Variants in MAN1B1 observed in about 807,000 individuals in gnomAD.
MAN1B1 encodes the protein endoplasmic reticulum mannosyl-oligosaccharide 1,2-alpha-mannosidase.
MAN1B1 carries 66 observed loss-of-function variants against 75.5 expected under a neutral mutation model. The ratio of observed to expected loss-of-function variants is 0.87; its 90% CI spans 0.72 to 1.07. The LOEUF is 1.07. Among genes scored for constraint, MAN1B1 ranks in the 50% least tolerant of loss-of-function variants. The pLI is 0.00. For synonymous variants in MAN1B1, 453 were observed against 382.8 expected (o/e 1.18, Z -2.14); for missense variants, 973 against 912.5 (o/e 1.07, Z -0.85).
rs1402435634 is a variant in MAN1B1 at position 137,101,470 on chromosome 9, T to C, written c.1066-14T>C. 2 of 1,613,410 alleles carry C rather than the reference T, an allele frequency of 1.2e-6. No individual in the cohort carries two copies. Among genetic ancestry groups the C allele is most frequent in the East Asian group, 2.2e-5 (1 of 44,892 alleles). On this transcript the variant is annotated splice_polypyrimidine_tract_variant and intron_variant, in intron 7 of 12. Coordinates refer to ENST00000371589, the MANE Select transcript of MAN1B1 (RefSeq NM_016219.5). The stretch of plus-strand genomic sequence containing the variant: ...TGACCTGAACGTTGGTTCTCTACTC[T>C]GCTCATATACCAGGAGGATTTTGGA...
At position 137,101,266 on chromosome 9, in the gene MAN1B1, T is replaced by A. The variant is rs1830802689; in HGVS notation, c.1065+113T>A. 5.7e-6 allele frequency: 8 copies of A among 1,395,130 alleles called. No individual in the cohort carries two copies. The South Asian group carries it at 9.4e-5, about 16-fold the overall frequency. 86.4% of individuals were successfully genotyped at this position (1,395,130 alleles called of 1,614,324 possible). A position where few individuals can be genotyped will look rare whatever the true frequency, so the allele number is the denominator to read the frequency against. On this transcript the variant is annotated intron_variant, in intron 7 of 12. Transcript: ENST00000371589. ...CTTCCTGTTTCCTCTTCAAATGCAC[T>A]GGAGTCTGTTTCTGAGCTCATATTC...
At chr9:137,093,696 T>C (rs1830575794) in intron 3 of MAN1B1, among the ~76,000 whole-genome samples, 1 of 151,768 alleles carries the variant, frequency 6.6e-6, no homozygotes, top group South Asian at 2.1e-4. Flanking sequence ...TAGCCGGGCG[T>C]GGTGGCAGGC....
In MAN1B1 at chr9:137,099,689, C is replaced by G. The variant is rs1830753273; in HGVS notation, c.731-7C>G. 1 of 1,614,118 alleles carries G rather than the reference C, an allele frequency of 6.2e-7. No homozygotes were observed. Among genetic ancestry groups the G allele is most frequent in the Non-Finnish European group, 8.5e-7 (1 of 1,180,010 alleles). On this transcript the variant is annotated splice_polypyrimidine_tract_variant and splice_region_variant and intron_variant, in intron 5 of 12. Transcript: ENST00000371589. ...CGCCATGGCCTGTGCTCTCTCCCCCCTACTAGTGCATCTGAACTATCGCCA... is the reference window on the plus strand; with the variant it reads ...CGCCATGGCCTGTGCTCTCTCCCCCGTACTAGTGCATCTGAACTATCGCCA...
intron 8 of MAN1B1, chr9:137,102,589 GTTACA>G (rs1251062803): frequency 2.4e-6 from 1 of 415,748 alleles, no homozygotes; most frequent in African/African-American, 2.4e-5. Context: ...GGTCGGTGCT[GTTACA>G]TTCACGCTGT....
chr9:137,108,373 C>G lies in MAN1B1; in HGVS notation c.1897-15C>G, dbSNP rs1346735845. On this transcript the variant is annotated splice_polypyrimidine_tract_variant and intron_variant, in intron 12 of 12. Coordinates refer to ENST00000371589, the MANE Select transcript of MAN1B1 (RefSeq NM_016219.5). ...GTGCCCCCCGTGTGGTGACGAGGCC[C>G]TGGCTGCTGCACAGGTCCCCTCGGG... The G allele has an allele frequency of 6.2e-7, 1 of 1,612,614 alleles. No homozygotes were observed. The highest frequency in any genetic ancestry group is 8.5e-7 in the Non-Finnish European group (1 of 1,179,192).
rs568564384 is a variant in MAN1B1, at chr9:137,102,666, T to G, written c.1254+994T>G. The G allele has an allele frequency of 2.9e-5, 13 of 441,416 alleles. 1 individual carries two copies. The highest frequency in any genetic ancestry group is 6.7e-4 in the Middle Eastern group (2 of 2,966). 27.3% of individuals were successfully genotyped at this position (441,416 alleles called of 1,614,324 possible). On this transcript the variant is annotated intron_variant, in intron 8 of 12. Transcript: ENST00000371589. ...GTTGCTGGCGTGCAGGTCGGTGGTG[T>G]TACACACATTCACACTGTTGCAGAC...
intron 3 of MAN1B1, among the ~76,000 whole-genome samples, chr9:137,090,485 T>C (rs984191123): frequency 3.3e-5 from 5 of 151,692 alleles, no homozygotes; most frequent in African/African-American, 7.3e-5. Flanking sequence ...AAGAGGGGCA[T>C]TGGGGCATTG....
intron 3 of MAN1B1, 61 bp from the exon 4 acceptor site, chr9:137,096,176 A>G: frequency 1.9e-6 from 3 of 1,580,612 alleles, no homozygotes; most frequent in Non-Finnish European, 2.6e-6. Context: ...CGTCCCATAG[A>G]GGGAAAGAAG....
chr9:137,100,852 T>C (rs1319997014), intron 6 of MAN1B1, among the ~76,000 whole-genome samples, 153 bp from the exon 7 acceptor site: 3 of 152,216 alleles, frequency 2.0e-5, no homozygotes, highest in African/African-American at 7.2e-5. Flanking sequence ...ACTCCTGGGC[T>C]CAAGCAATCC....
chr9:137,103,414 A>G, intron 8 of MAN1B1: 1 of 432,384 alleles, frequency 2.3e-6, no homozygotes, highest in Non-Finnish European at 4.6e-6. Context: ...CGGTGGTGTT[A>G]CATTCACGCT....
chr9:137,100,853 C>G (rs1230428176), intron 6 of MAN1B1, 152 bp from the exon 7 acceptor site: 2 of 821,436 alleles, frequency 2.4e-6, no homozygotes, highest in Non-Finnish European at 4.0e-6. Flanking sequence ...CTCCTGGGCT[C>G]AAGCAATCCA....
intron 8 of MAN1B1, chr9:137,102,103 G>T: frequency 4.5e-6 from 2 of 447,552 alleles, no homozygotes; most frequent in Non-Finnish European, 8.9e-6. Context: ...TTGCAGGCGT[G>T]CAGGTCGGTG....
intron 2 of MAN1B1, chr9:137,088,638 A>G (rs1830443297): frequency 8.6e-6 from 6 of 693,938 alleles, no homozygotes; most frequent in Non-Finnish European, 1.4e-5. Flanking sequence ...TGAATGGAAA[A>G]TAGGAAGGCA....
rs891875858 is a variant in MAN1B1 at position 137,101,376 on chromosome 9, G to A, written c.1066-108G>A. On this transcript the variant is annotated intron_variant, in intron 7 of 12. Coordinates refer to ENST00000371589, the MANE Select transcript of MAN1B1 (RefSeq NM_016219.5). Reference sequence around the variant, plus strand: ...GAGTGATGCCCGTTTCCTTGCTGCTGTGTTGACCCCAGAGAGCCTTCAGTG... The same window carrying A: ...GAGTGATGCCCGTTTCCTTGCTGCTATGTTGACCCCAGAGAGCCTTCAGTG... 12 of 1,191,722 alleles carry A rather than the reference G, an allele frequency of 1.0e-5. No homozygotes were observed. The Admixed American group carries it at 1.2e-4, about 12-fold the overall frequency. 73.8% of individuals were successfully genotyped at this position (1,191,722 alleles called of 1,614,324 possible).
At chr9:137,097,990 G>A (rs1830701972) in intron 5 of MAN1B1, 53 bp downstream of exon 5, 2 of 1,377,412 alleles carry the variant, frequency 1.5e-6, no homozygotes. Flanking sequence ...GCTGGTGGCT[G>A]ATGGGTGCAG....
At chr9:137,102,429 T>G (rs1358218862) in intron 8 of MAN1B1, 2 of 429,728 alleles carry the variant, frequency 4.7e-6, no homozygotes, top group Non-Finnish European at 9.1e-6. Context: ...GTTGGTGGTG[T>G]TACATTCACA....
rs1416660738 is a variant in MAN1B1 at position 137,108,754 on chromosome 9, G to A, written c.*163G>A. The A allele has an allele frequency of 2.7e-6, 2 of 732,094 alleles. No individual in the cohort carries two copies. Among genetic ancestry groups the A allele is most frequent in the Non-Finnish European group, 4.9e-6 (2 of 409,868 alleles). 45.3% of individuals were successfully genotyped at this position (732,094 alleles called of 1,614,324 possible). On this transcript the variant is annotated 3_prime_UTR_variant, in exon 13 of 13. Transcript: ENST00000371589. ...CTCTGCTTTAATCAGGACACCGTGAGGACAAGTGAGGCCGTCAGTCTTGGT... is the reference window on the plus strand; with the variant it reads ...CTCTGCTTTAATCAGGACACCGTGAAGACAAGTGAGGCCGTCAGTCTTGGT...
chr9:137,096,731 G>A (rs934070459), intron 4 of MAN1B1, among the ~76,000 whole-genome samples: 1 of 152,198 alleles, frequency 6.6e-6, no homozygotes, highest in Non-Finnish European at 1.5e-5. Context: ...CCATCTGGTC[G>A]AGCAGAGAGC....
At chr9:137,108,237 T>C (rs2131134395) in intron 12 of MAN1B1, 151 bp from the exon 13 acceptor site, 1 of 704,318 alleles carries the variant, frequency 1.4e-6, no homozygotes, top group East Asian at 2.7e-5. Context: ...ACCACACGGC[T>C]CGCCTGGGGG....
Sources: allele counts gnomAD v4.1 joint callset (sites outside exome capture counted in the v4.1 genomes callset), GRCh38; gene constraint gnomAD v4.1.1; transcripts MANE v1.5; gene names NCBI Gene and HGNC (gene_info 2026-07-23, HGNC 2026-07-21).